The following ADCY5 variants were observed in gnomAD, a reference collection of about 807,000 sequenced individuals.
The protein encoded by ADCY5 is adenylate cyclase type 5.
ADCY5 carries 30 observed loss-of-function variants against 119.7 expected under a neutral mutation model. The observed-to-expected ratio is 0.25, with a 90% CI of 0.19 to 0.34. The LOEUF is 0.34. ADCY5 is among the 10% of genes least tolerant of loss of function. ADCY5 has a pLI of 1.00. For synonymous variants in ADCY5, 753 were observed against 762.2 expected (o/e 0.99, Z 0.20); for missense variants, 1,324 against 1,775.2 (o/e 0.75, Z 4.57).
chr3:123,303,990 G>A lies in ADCY5; in HGVS notation c.2559+77C>T. ...TCCAGGGAAAGTCTCTCCTAGGCCT[G>A]CTTGTCGGGTACATGGCTCCACTGG... On this transcript the variant is annotated intron_variant, in intron 13 of 20. Coordinates refer to ENST00000462833, the MANE Select transcript of ADCY5 (RefSeq NM_183357.3). 3 of 1,047,000 alleles carry A rather than the reference G, an allele frequency of 2.9e-6. No homozygotes were observed. The South Asian group carries it at 3.9e-5, about 14-fold the overall frequency. 64.9% of individuals were successfully genotyped at this position (1,047,000 alleles called of 1,614,324 possible).
chr3:123,287,990 G>T (rs1327542861), intron 19 of ADCY5, among the ~76,000 whole-genome samples: 1 of 152,242 alleles, frequency 6.6e-6, no homozygotes, highest in Non-Finnish European at 1.5e-5. Context: ...TGGGGTGAAA[G>T]GAAAACAAGA....
At chr3:123,309,548 C>T (rs369476826) in intron 12 of ADCY5, among the ~76,000 whole-genome samples, 4 of 152,340 alleles carry the variant, frequency 2.6e-5, no homozygotes, top group African/African-American at 9.6e-5. Flanking sequence ...CCTCAGTTTC[C>T]TCATCTGCAA....
At chr3:123,435,385 G>A (rs193252407) in intron 1 of ADCY5, among the ~76,000 whole-genome samples, 46 of 152,252 alleles carry the variant, frequency 3.0e-4, no homozygotes, top group African/African-American at 1.1e-3. Flanking sequence ...GAATAGTAGC[G>A]CCAAAACTAG....
intron 1 of ADCY5, among the ~76,000 whole-genome samples, chr3:123,435,877 T>C (rs921235654): frequency 2.8e-5 from 4 of 144,794 alleles, no homozygotes; most frequent in Non-Finnish European, 6.0e-5. Flanking sequence ...TTATTATTAT[T>C]ATTATTATTA....
At position 123,352,369 on chromosome 3, in the gene ADCY5, C is replaced by G; in HGVS notation, c.1284+63G>C. On this transcript the variant is annotated intron_variant, in intron 2 of 20. Transcript: ENST00000462833. This position sits in a 1 kb window ranked among gnomAD's most constrained non-coding sequence, Gnocchi z 4.8. ...CACTGCCCGCCCTAGGCCAGGCACT[C>G]AGCTGAGGTACATCTCAGGGCTCGA... The G allele has an allele frequency of 6.5e-7, 1 of 1,534,904 alleles. No individual in the cohort carries two copies. Among genetic ancestry groups the G allele is most frequent in the Admixed American group, 1.8e-5 (1 of 55,218 alleles).
chr3:123,373,503 C>A (rs1023592086), intron 1 of ADCY5, among the ~76,000 whole-genome samples: 3 of 152,218 alleles, frequency 2.0e-5, no homozygotes, highest in African/African-American at 7.2e-5. Context: ...GGGACAGATT[C>A]TCACGCCCCC....
chr3:123,396,364 G>T (rs571742501), intron 1 of ADCY5, among the ~76,000 whole-genome samples: 133 of 130,964 alleles, frequency 1.0e-3, no homozygotes, highest in Non-Finnish European at 1.6e-3. Flanking sequence ...AGAAGGGAGG[G>T]AGGAAGAAGG....
At chr3:123,301,840 G>T (rs768340404) in intron 14 of ADCY5, among the ~76,000 whole-genome samples, 1 of 152,208 alleles carries the variant, frequency 6.6e-6, no homozygotes, top group Non-Finnish European at 1.5e-5. Flanking sequence ...AGGGAGGCTG[G>T]GGAGGGGAGG....
At chr3:123,432,473 G>C (rs1040456945) in intron 1 of ADCY5, among the ~76,000 whole-genome samples, 1 of 152,144 alleles carries the variant, frequency 6.6e-6, no homozygotes, top group African/African-American at 2.4e-5. Context: ...ACAGCACAGT[G>C]GCGGATCCTA....
chr3:123,338,258 C>T (rs554711966), intron 3 of ADCY5, among the ~76,000 whole-genome samples: 16 of 152,180 alleles, frequency 1.1e-4, no homozygotes, highest in Non-Finnish European at 2.1e-4. Context: ...GCCAGGTGTG[C>T]GGAAACCCAG....
chr3:123,447,967 C>G lies in ADCY5; in HGVS notation c.579G>C (p.Ser193=). 6.2e-6 allele frequency: 9 copies of G among 1,455,650 alleles called. No homozygotes were observed. Among genetic ancestry groups the G allele is most frequent in the Non-Finnish European group, 8.2e-6 (9 of 1,103,466 alleles). 90.2% of individuals were successfully genotyped at this position (1,455,650 alleles called of 1,614,324 possible). Residue 193 remains serine (S), a synonymous_variant, in exon 1 of 21, where the codon TCG becomes TCC. Transcript: ENST00000462833. ...CCGCGCCGGGCCCCGCGCCCGAGCCCGAGTCCGCCGAGCTGCCGCCATCCC... is the reference window on the plus strand; with the variant it reads ...CCGCGCCGGGCCCCGCGCCCGAGCCGGAGTCCGCCGAGCTGCCGCCATCCC... ...GSGDGGSSAD[S]GSGAGPGAVL... is the part of the protein sequence containing the mutation.
At chr3:123,334,671 G>T (rs1442872130) in intron 3 of ADCY5, among the ~76,000 whole-genome samples, 1 of 152,212 alleles carries the variant, frequency 6.6e-6, no homozygotes, top group African/African-American at 2.4e-5. Context: ...TCTGGAGACG[G>T]AGGTTGCAGT....
intron 1 of ADCY5, among the ~76,000 whole-genome samples, chr3:123,380,155 C>A (rs1943981993): frequency 6.6e-6 from 1 of 151,864 alleles, no homozygotes; most frequent in African/African-American, 2.4e-5. Context: ...CAGATTTGAA[C>A]ACAGTTTGGT....
At chr3:123,413,145 C>T (rs886114878) in intron 1 of ADCY5, among the ~76,000 whole-genome samples, 2 of 152,158 alleles carry the variant, frequency 1.3e-5, no homozygotes, top group Non-Finnish European at 2.9e-5. Context: ...TCTGCCAGTT[C>T]GTGGGAGAGG....
intron 4 of ADCY5, among the ~76,000 whole-genome samples, chr3:123,331,413 C>T (rs1576584566): frequency 6.6e-6 from 1 of 152,372 alleles, no homozygotes; most frequent in Middle Eastern, 3.4e-3. Flanking sequence ...CCCCAGGAGT[C>T]ACTCTGATTC....
chr3:123,319,879 G>T, intron 9 of ADCY5, 61 bp from the exon 10 acceptor site: 1 of 1,587,844 alleles, frequency 6.3e-7, no homozygotes, highest in Non-Finnish European at 8.6e-7. Context: ...GCAGAGGGCT[G>T]GCTCTTCCGA....
At chr3:123,359,189 G>C (rs1943148875) in intron 1 of ADCY5, among the ~76,000 whole-genome samples, 1 of 151,724 alleles carries the variant, frequency 6.6e-6, no homozygotes, top group South Asian at 2.1e-4. Context: ...GCTGTGGTGG[G>C]AATCAGAACT....
chr3:123,368,752 C>CA (rs34756449), intron 1 of ADCY5, among the ~76,000 whole-genome samples: 30,655 of 134,084 alleles, frequency 0.23, 3,529 homozygotes, highest in Admixed American at 0.3. Context: ...ACTGTGTCTC[C>CA]AAAAAAAAAA....
intron 1 of ADCY5, among the ~76,000 whole-genome samples, chr3:123,414,533 T>C (rs988184079): frequency 2.0e-5 from 3 of 152,094 alleles, no homozygotes; most frequent in Non-Finnish European, 2.9e-5. Context: ...TGAGGACCAC[T>C]TCTAAGCTAG....
Sources: gnomAD v4.1 joint callset for allele counts (sites outside exome capture counted in the v4.1 genomes callset) on GRCh38, gnomAD v4.1.1 for gene constraint, Gnocchi (gnomAD v3.1) non-coding constraint, MANE v1.5 for transcripts, NCBI Gene and HGNC (gene_info 2026-07-23, HGNC 2026-07-21) for gene names.